PDE4B: variants seen among roughly 807,000 people sequenced by gnomAD.
The protein encoded by PDE4B is 3',5'-cyclic-AMP phosphodiesterase 4B.
In PDE4B, 20 loss-of-function variants were observed where a neutral mutation model predicts 82.2. That is an observed-to-expected ratio of 0.24 (90% CI 0.17 to 0.35). The LOEUF (loss-of-function observed/expected upper bound fraction) is 0.35. Among genes scored for constraint, PDE4B ranks in the 10% least tolerant of loss-of-function variants. The pLI, the probability that PDE4B is intolerant of heterozygous loss-of-function variation, is 1.00. For synonymous variants in PDE4B, 320 were observed against 318.9 expected, an observed-to-expected ratio of 1.00 and a Z score of -0.04; for missense variants, 655 against 907.2, an observed-to-expected ratio of 0.72 and a Z score of 3.57.
chr1:66,090,621 A>ATATATATGTGTGTGTG, intron 3 of PDE4B, among the ~76,000 whole-genome samples: 1,541 of 122,530 alleles, frequency 0.013, 94 homozygotes, highest in African/African-American at 0.043. Context: ...TATATAATAT[A>ATATATATGTGTGTGTG]TGTGTGTGTG....
At chr1:66,182,610 A>T (rs1384520818) in intron 3 of PDE4B, among the ~76,000 whole-genome samples, 1 of 152,210 alleles carries the variant, frequency 6.6e-6, no homozygotes, top group Non-Finnish European at 1.5e-5. Flanking sequence ...CTTGATTGAT[A>T]ATATCTGTCT....
chr1:66,347,562 T>G (rs1263644737), intron 8 of PDE4B, among the ~76,000 whole-genome samples: 1 of 152,186 alleles, frequency 6.6e-6, no homozygotes, highest in African/African-American at 2.4e-5. Context: ...ATTTTTTTGA[T>G]AGGCCCTAGA....
chr1:65,873,151 G>A (rs1029065631), intron 1 of PDE4B, among the ~76,000 whole-genome samples: 3 of 152,144 alleles, frequency 2.0e-5, no homozygotes, highest in African/African-American at 7.2e-5. Flanking sequence ...GCAGATGTAA[G>A]TAAAGCGTAC....
intron 3 of PDE4B, among the ~76,000 whole-genome samples, chr1:66,211,007 G>A (rs1395083281): frequency 6.6e-6 from 1 of 152,148 alleles, no homozygotes; most frequent in Non-Finnish European, 1.5e-5. Context: ...TAGAGGTGTG[G>A]ACCAAAAGCA....
chr1:66,015,289 C>A (rs983218599), intron 3 of PDE4B, among the ~76,000 whole-genome samples: 2 of 152,062 alleles, frequency 1.3e-5, no homozygotes, highest in African/African-American at 4.8e-5. Flanking sequence ...ATTGTTTTGG[C>A]CTAGCTGCTC....
chr1:65,863,117 A>C (rs1285582181), intron 1 of PDE4B, among the ~76,000 whole-genome samples: 1 of 151,220 alleles, frequency 6.6e-6, no homozygotes, highest in African/African-American at 2.4e-5. Context: ...ATATCTTTCC[A>C]GTTTTCTGAT....
rs939592868 is a variant in PDE4B, at chr1:66,235,777, A to C, written c.282-11683A>C. Among the ~76,000 whole-genome samples the C allele has an allele frequency of 2.0e-5, 3 of 152,220 alleles. No individual in the cohort carries two copies. In the East Asian group the frequency reaches 5.8e-4, roughly 29 times the overall value. On this transcript the variant is annotated intron_variant, in intron 3 of 16. Coordinates refer to ENST00000341517, the MANE Select transcript of PDE4B (RefSeq NM_002600.4). ...TGTCTTATCCATTCTGTTGAAAAAAAATGTTTAGACAAGTTAAATTTAACA... is the reference window on the plus strand; with the variant it reads ...TGTCTTATCCATTCTGTTGAAAAAACATGTTTAGACAAGTTAAATTTAACA...
At chr1:65,851,810 G>A (rs1646336147) in intron 1 of PDE4B, among the ~76,000 whole-genome samples, 2 of 151,944 alleles carry the variant, frequency 1.3e-5, no homozygotes, top group African/African-American at 4.8e-5. Context: ...TTGAATAGAA[G>A]TAGTGAGATT....
intron 3 of PDE4B, among the ~76,000 whole-genome samples, chr1:66,119,140 C>T (rs1645657381): frequency 6.6e-6 from 1 of 152,206 alleles, no homozygotes; most frequent in East Asian, 1.9e-4. Context: ...ATGTGGCCAG[C>T]TGGGCCATGT....
chr1:65,852,440 T>C lies in PDE4B; in HGVS notation c.-71+59192T>C, dbSNP rs577068041. Among the ~76,000 whole-genome samples, 14 of 152,068 alleles carry C rather than the reference T, an allele frequency of 9.2e-5. 2 individuals carry two copies. The highest frequency in any genetic ancestry group is 3.1e-4 in the African/African-American group (13 of 41,580). On this transcript the variant is annotated intron_variant, in intron 1 of 16. Transcript: ENST00000341517. ...TTTCAATAAACCTACTTTATTTCCA[T>C]TTATTTTTAACTCCTGTTTTTATCT...
intron 7 of PDE4B, among the ~76,000 whole-genome samples, chr1:66,317,592 TTTA>T (rs1287469948): frequency 1.3e-5 from 2 of 152,226 alleles, no homozygotes; most frequent in East Asian, 1.9e-4. Context: ...ATTTCTTTTC[TTTA>T]TTATTATTTT....
intron 7 of PDE4B, among the ~76,000 whole-genome samples, chr1:66,308,626 C>A (rs1192415782): frequency 2.0e-5 from 3 of 152,106 alleles, no homozygotes; most frequent in African/African-American, 7.2e-5. Context: ...AATATCTGGG[C>A]ATTTTTTGCT....
intron 1 of PDE4B, among the ~76,000 whole-genome samples, chr1:65,905,730 C>T (rs1359684226): frequency 2.0e-5 from 3 of 152,182 alleles, no homozygotes; most frequent in South Asian, 2.1e-4. Flanking sequence ...TCCTTGATAA[C>T]ATTTTGCCCA....
chr1:66,112,563 A>G (rs1439148538), intron 3 of PDE4B, among the ~76,000 whole-genome samples: 1 of 152,190 alleles, frequency 6.6e-6, no homozygotes, highest in East Asian at 1.9e-4. Context: ...AAAGGTACAG[A>G]TGACAATTAC....
At chr1:66,054,385 A>G (rs1655194213) in intron 3 of PDE4B, among the ~76,000 whole-genome samples, 1 of 151,880 alleles carries the variant, frequency 6.6e-6, no homozygotes, top group Non-Finnish European at 1.5e-5. Flanking sequence ...CCATACACCC[A>G]TGTAACAGTC....
intron 3 of PDE4B, among the ~76,000 whole-genome samples, chr1:66,218,625 A>G (rs901884171): frequency 6.6e-6 from 1 of 152,064 alleles, no homozygotes; most frequent in African/African-American, 2.4e-5. Flanking sequence ...AGCCCAGAAG[A>G]TGTTAATCTT....
chr1:66,136,484 C>T (rs1388164318), intron 3 of PDE4B, among the ~76,000 whole-genome samples: 2 of 151,944 alleles, frequency 1.3e-5, no homozygotes, highest in South Asian at 4.1e-4. Context: ...CCAAGGCGGG[C>T]AGATCTCCTG....
intron 1 of PDE4B, among the ~76,000 whole-genome samples, chr1:65,903,617 A>G (rs1646996410): frequency 1.3e-5 from 2 of 152,194 alleles, no homozygotes; most frequent in Admixed American, 6.5e-5. Flanking sequence ...ACAAAAATAA[A>G]TAAGGAAATG....
chr1:66,141,792 T>C (rs1181999528), intron 3 of PDE4B, among the ~76,000 whole-genome samples: 3 of 152,088 alleles, frequency 2.0e-5, no homozygotes, highest in African/African-American at 7.2e-5. Context: ...GGTCGGTCAT[T>C]CTTCAAACTA....
Sources: gnomAD v4.1 joint callset for allele counts (sites outside exome capture counted in the v4.1 genomes callset) on GRCh38, gnomAD v4.1.1 for gene constraint, MANE v1.5 for transcripts, NCBI Gene and HGNC (gene_info 2026-07-23, HGNC 2026-07-21) for gene names.